UVRAG: variants seen among roughly 807,000 people sequenced by gnomAD.
UVRAG encodes the protein UV radiation resistance associated, also known as UV radiation resistance-associated gene protein.
Under a neutral mutation model 78.0 loss-of-function variants are expected in UVRAG, and 19 were observed. The observed-to-expected ratio is 0.24, with a 90% confidence interval of 0.17 to 0.36. UVRAG has a LOEUF of 0.36. Ranked by LOEUF, UVRAG falls within the 10% of genes least tolerant of loss-of-function variation. The pLI is 1.00. For synonymous variants in UVRAG, 323 were observed against 324.6 expected (o/e 1.00, Z 0.05); for missense variants, 740 against 853.8 (o/e 0.87, Z 1.66).
chr11:75,836,077 G>T (rs1244413068), intron 1 of UVRAG, among the ~76,000 whole-genome samples: 5 of 151,834 alleles, frequency 3.3e-5, no homozygotes, highest in African/African-American at 1.2e-4. Context: ...CTCCAGCCTG[G>T]AGACAGTGAG....
chr11:75,990,520 C>T (rs887446094), intron 8 of UVRAG, among the ~76,000 whole-genome samples: 3 of 152,160 alleles, frequency 2.0e-5, no homozygotes, highest in Non-Finnish European at 4.4e-5. Context: ...GGTTTCTGTA[C>T]CTTTAAGATA....
At chr11:76,004,408 T>G (rs1949884708) in intron 9 of UVRAG, among the ~76,000 whole-genome samples, 1 of 151,892 alleles carries the variant, frequency 6.6e-6, no homozygotes, top group South Asian at 2.1e-4. Context: ...AGCTTATAGG[T>G]TTTTTTTCAA....
chr11:76,097,920 A>G (rs981005958), intron 13 of UVRAG, among the ~76,000 whole-genome samples: 4 of 152,132 alleles, frequency 2.6e-5, no homozygotes, highest in African/African-American at 9.7e-5. Context: ...CCCTGCCACT[A>G]TCATTCCATT....
chr11:75,980,844 G>A lies in UVRAG; in HGVS notation c.700-2543G>A, dbSNP rs566703465. 5.9e-5 allele frequency among the ~76,000 whole-genome samples: 9 copies of A among 151,940 alleles called. No individual in the cohort carries two copies. In the East Asian group the frequency reaches 1.4e-3, roughly 23 times the overall value. ...TTACAGGTGCCTGCCACCATGCCCA[G>A]CTAATTTTGTATTTTTAGTAGAGAT... On this transcript the variant is annotated intron_variant, in intron 7 of 14. Coordinates refer to ENST00000356136, the MANE Select transcript of UVRAG (RefSeq NM_003369.4).
intron 12 of UVRAG, among the ~76,000 whole-genome samples, chr11:76,032,800 A>C (rs1950459583): frequency 6.6e-6 from 1 of 152,208 alleles, no homozygotes; most frequent in Non-Finnish European, 1.5e-5. Context: ...AGCAGATAAT[A>C]CACCTTTCCA....
intron 6 of UVRAG, among the ~76,000 whole-genome samples, chr11:75,948,158 T>C (rs1328767132): frequency 2.0e-5 from 3 of 152,152 alleles, no homozygotes; most frequent in African/African-American, 4.8e-5. Flanking sequence ...TTTTTTTCTT[T>C]TGTATAAAGA....
chr11:75,942,885 T>G (rs531052755), intron 6 of UVRAG, among the ~76,000 whole-genome samples: 2 of 152,140 alleles, frequency 1.3e-5, no homozygotes, highest in East Asian at 3.9e-4. Flanking sequence ...TTTATGAGCC[T>G]TAAAACAGAT....
chr11:75,892,206 C>G, intron 5 of UVRAG: 1 of 404,636 alleles, frequency 2.5e-6, no homozygotes, highest in Non-Finnish European at 3.3e-6. Context: ...TGGAGAGAAC[C>G]TGGAAAGAAT....
At chr11:75,823,273 T>G (rs1945439401) in intron 1 of UVRAG, among the ~76,000 whole-genome samples, 1 of 152,218 alleles carries the variant, frequency 6.6e-6, no homozygotes, top group Non-Finnish European at 1.5e-5. Flanking sequence ...CCCTTCCCTC[T>G]ATACTGTAGT....
intron 14 of UVRAG, among the ~76,000 whole-genome samples, chr11:76,126,344 T>C (rs1224403393): frequency 6.6e-6 from 1 of 152,254 alleles, no homozygotes; most frequent in Non-Finnish European, 1.5e-5. Flanking sequence ...CCAAAATATC[T>C]TGTAGACATG....
At chr11:76,054,792 CTTTT>C (rs1218109686) in intron 12 of UVRAG, among the ~76,000 whole-genome samples, 2 of 152,148 alleles carry the variant, frequency 1.3e-5, no homozygotes, top group Non-Finnish European at 1.5e-5. Flanking sequence ...AAGACAGGAA[CTTTT>C]TTTGTCATTT....
chr11:75,951,823 T>C (rs1209567584), intron 6 of UVRAG, among the ~76,000 whole-genome samples: 1 of 152,208 alleles, frequency 6.6e-6, no homozygotes, highest in Non-Finnish European at 1.5e-5. Context: ...CTTGGTGTTC[T>C]AGGTCTTTTG....
At chr11:75,970,540 G>C (rs1020077139) in intron 7 of UVRAG, among the ~76,000 whole-genome samples, 3 of 152,072 alleles carry the variant, frequency 2.0e-5, no homozygotes, top group African/African-American at 7.2e-5. Flanking sequence ...AGACCATCCT[G>C]GCTAACATGG....
chr11:75,826,590 A>G (rs1198520830), intron 1 of UVRAG, among the ~76,000 whole-genome samples: 2 of 151,838 alleles, frequency 1.3e-5, no homozygotes, highest in African/African-American at 4.8e-5. Context: ...CCACCCTCCC[A>G]CGTCCCTTTT....
intron 1 of UVRAG, among the ~76,000 whole-genome samples, chr11:75,849,864 C>T (rs1356403238): frequency 6.6e-6 from 1 of 152,172 alleles, no homozygotes; most frequent in African/African-American, 2.4e-5. Flanking sequence ...ACAAAATTAA[C>T]AGCAAAGCAA....
intron 12 of UVRAG, among the ~76,000 whole-genome samples, chr11:76,032,925 T>A (rs1290489021): frequency 6.6e-6 from 1 of 152,250 alleles, no homozygotes; most frequent in East Asian, 1.9e-4. Flanking sequence ...AGTCTAAGTA[T>A]AAATTAAACT....
intron 14 of UVRAG, among the ~76,000 whole-genome samples, chr11:76,140,154 C>T (rs1482801683): frequency 8.4e-6 from 1 of 119,310 alleles, no homozygotes; most frequent in Admixed American, 9.4e-5. Flanking sequence ...TCTCTCCCTC[C>T]CTCCTCTGCC....
At chr11:76,034,723 A>G (rs1950499935) in intron 12 of UVRAG, among the ~76,000 whole-genome samples, 1 of 152,154 alleles carries the variant, frequency 6.6e-6, no homozygotes, top group Admixed American at 6.5e-5. Context: ...ACTGGTGTTA[A>G]TAATGCCTAG....
At chr11:75,830,060 C>T (rs1222262878) in intron 1 of UVRAG, among the ~76,000 whole-genome samples, 1 of 151,836 alleles carries the variant, frequency 6.6e-6, no homozygotes, top group African/African-American at 2.4e-5. Flanking sequence ...GGTTGGTCTC[C>T]AGCTCCTAAC....
Sources: allele counts gnomAD v4.1 joint callset (sites outside exome capture counted in the v4.1 genomes callset), GRCh38; gene constraint gnomAD v4.1.1; transcripts MANE v1.5; gene names NCBI Gene and HGNC (gene_info 2026-07-23, HGNC 2026-07-21).